PALB2: variants seen among roughly 807,000 people sequenced by gnomAD.
PALB2 encodes mutant partner and localizer of BRCA2.
PALB2 carries 82 observed loss-of-function variants against 107.4 expected under a neutral mutation model. That is an observed-to-expected ratio of 0.76 (90% confidence interval 0.64 to 0.92). The LOEUF (loss-of-function observed/expected upper bound fraction) is 0.92. PALB2 is among the 40% of genes least tolerant of loss of function. The pLI is 0.00. For synonymous variants in PALB2, 489 were observed against 496.8 expected (o/e 0.98, Z 0.21); for missense variants, 1,374 against 1,379.9 (o/e 1.00, Z 0.07).
At chr16:23,622,140 A>G (rs562900487) in intron 9 of PALB2, among the ~76,000 whole-genome samples, 2 of 152,338 alleles carry the variant, frequency 1.3e-5, no homozygotes, top group South Asian at 4.1e-4. Context: ...AAAAATAAAA[A>G]TAAAGTGTAA....
rs529410450 is a variant in PALB2 at position 23,609,738 on chromosome 16, G to C, written c.3202-1726C>G. Among the ~76,000 whole-genome samples, 34 of 152,224 alleles carry C rather than the reference G, an allele frequency of 2.2e-4. 1 individual carries two copies. In the South Asian group the frequency reaches 6.6e-3, roughly 30 times the overall value. ...TCACTGTGTTAGCCAGGATGGTCTC[G>C]ATCTCCTGACCTCATGATCCGCCCG... On this transcript the variant is annotated intron_variant, in intron 11 of 12. Transcript: ENST00000261584.
chr16:23,609,618 C>T (rs939517972), intron 11 of PALB2, among the ~76,000 whole-genome samples: 11 of 151,972 alleles, frequency 7.2e-5, no homozygotes, highest in African/African-American at 2.2e-4. Context: ...CCTGGGTTCA[C>T]GCCATTCTCC....
chr16:23,603,747 T>G, intron 12 of PALB2, 78 bp from the exon 13 acceptor site: 1 of 1,365,336 alleles, frequency 7.3e-7, no homozygotes, highest in South Asian at 1.3e-5. Flanking sequence ...GTCAAAACCA[T>G]GTTCCCAAAA....
At chr16:23,603,768 G>C in intron 12 of PALB2, 99 bp from the exon 13 acceptor site, 1 of 1,081,954 alleles carries the variant, frequency 9.2e-7, no homozygotes, top group Non-Finnish European at 1.3e-6. Context: ...CCAGCAACAG[G>C]AACAAAAATC....
rs201387125 is a variant in PALB2 at position 23,621,328 on chromosome 16, A to G, written c.3113+34T>C. ...TTAGAGGTATATCCTCATACTACAG[A>G]TGAGGGAACTGAGGACCTAGAGGGA... On this transcript the variant is annotated intron_variant, in intron 10 of 12. Transcript: ENST00000261584. 34 of 1,355,520 alleles carry G rather than the reference A, an allele frequency of 2.5e-5. No homozygotes were observed. Among genetic ancestry groups the G allele is most frequent in the Middle Eastern group, 1.8e-4 (1 of 5,524 alleles). 84.0% of individuals were successfully genotyped at this position (1,355,520 alleles called of 1,614,324 possible). A position where few individuals can be genotyped will look rare whatever the true frequency, so the allele number is the denominator to read the frequency against.
In PALB2 at chr16:23,637,880, G is replaced by A. The variant is rs1967100637; in HGVS notation, c.181C>T (p.Gln61Ter). 1 of 1,613,856 alleles carries A rather than the reference G, an allele frequency of 6.2e-7. No individual in the cohort carries two copies. The highest frequency in any genetic ancestry group is 8.5e-7 in the Non-Finnish European group (1 of 1,179,774). Residue 61 changes from glutamine to a stop codon, truncating the protein, a stop_gained, in exon 3 of 13, where the codon CAG becomes TAG. Transcript: ENST00000261584. LOFTEE classifies it high-confidence loss of function. ...TGTTTTAGCTGCGGTGAGAGATCCT[G>A]CTGAGACAAACAATCTTGTTCTTCT... Reference protein sequence around the residue: ...TVEEQDCLSQQDLSPQLKHSE... With the variant: ...TVEEQDCLSQ
At position 23,621,396 on chromosome 16, in the gene PALB2, G is replaced by A. The variant is rs1966769057; in HGVS notation, c.3079C>T (p.Leu1027Phe). 9.3e-6 allele frequency: 15 copies of A among 1,613,702 alleles called. No homozygotes were observed. Among genetic ancestry groups the A allele is most frequent in the Non-Finnish European group, 1.3e-5 (15 of 1,179,660 alleles). Residue 1027 changes from leucine (L) to phenylalanine (F), a missense_variant, in exon 10 of 13, where the codon CTT (leucine) becomes TTT (phenylalanine). Physicochemically the swap from Leu to Phe is conservative, Grantham distance 22. Transcript: ENST00000261584. ...ATGTTGTTCATAATAGTAGTACCAA[G>A]CAGAGCTTCTTGCATCCCTTGGACC... is the stretch of plus-strand genomic sequence containing the variant. ...AEVQGMQEAL[L>F]GTTIMNNIVI...
At chr16:23,630,834 G>T (rs917356445) in intron 4 of PALB2, among the ~76,000 whole-genome samples, 1 of 152,060 alleles carries the variant, frequency 6.6e-6, no homozygotes, top group African/African-American at 2.4e-5. Context: ...TGCTAGCCAG[G>T]TATGGTAGCT....
At chr16:23,604,317 G>A (rs1164037138) in intron 12 of PALB2, among the ~76,000 whole-genome samples, 3 of 152,168 alleles carry the variant, frequency 2.0e-5, no homozygotes, top group Non-Finnish European at 4.4e-5. Flanking sequence ...TACAAAGTAA[G>A]AGCTGTGCAA....
intron 1 of PALB2, 82 bp downstream of exon 1, chr16:23,641,028 T>G (rs986367122): frequency 2.7e-6 from 4 of 1,497,440 alleles, no homozygotes; most frequent in Middle Eastern, 1.7e-4. Context: ...GCCCTCGGAC[T>G]GCCGAGGACA....
In PALB2 at chr16:23,603,421, A is replaced by C. The variant is rs1966393145; in HGVS notation, c.*38T>G. The C allele has an allele frequency of 6.5e-7, 1 of 1,532,950 alleles. No homozygotes were observed. Among genetic ancestry groups the C allele is most frequent in the Admixed American group, 1.7e-5 (1 of 59,828 alleles). The allele number at this position is 1,532,950 out of a possible 1,614,324, so 95.0% of individuals were successfully genotyped here. A position where few individuals can be genotyped will look rare whatever the true frequency, so the allele number is the denominator to read the frequency against. ...AACTCCAAAAAATACTAAGAGGCCC[A>C]ATATATCCAGAAAATTGTGTTTTCA... is the stretch of plus-strand genomic sequence containing the variant. On this transcript the variant is annotated 3_prime_UTR_variant, in exon 13 of 13. Transcript: ENST00000261584.
In PALB2 at chr16:23,603,587, C is replaced by G. The variant is rs180177137; in HGVS notation, c.3433G>C (p.Gly1145Arg). ...GGTGGGAGGAGGGCAGTACACTGAC[C>G]GAGAAGTAAGTCCCAAATGGCAATT... ...GTIAIWDLLL[G>R]QCTALLPPVS... The change falls in exon 13 of 13, where the codon GGT becomes CGT. Residue 1145 changes from glycine to arginine, a missense_variant. Gly to Arg is a moderately radical substitution (Grantham distance 125, BLOSUM62 -2). Coordinates refer to ENST00000261584, the MANE Select transcript of PALB2 (RefSeq NM_024675.4). The G allele has an allele frequency of 4.3e-6, 7 of 1,613,988 alleles. No homozygotes were observed. The highest frequency in any genetic ancestry group is 5.1e-6 in the Non-Finnish European group (6 of 1,179,994).
chr16:23,622,837 G>T, intron 9 of PALB2, 132 bp downstream of exon 9: 2 of 996,864 alleles, frequency 2.0e-6, no homozygotes, highest in South Asian at 1.3e-5. Flanking sequence ...ATAACCTAGT[G>T]TTGATGCGGT....
rs1019525144 is a variant in PALB2 at position 23,630,311 on chromosome 16, G to A, written c.1843C>T (p.Pro615Ser). 2 of 1,614,150 alleles carry A rather than the reference G, an allele frequency of 1.2e-6. No homozygotes were observed. The highest frequency in any genetic ancestry group is 1.7e-6 in the Non-Finnish European group (2 of 1,180,042). Residue 615 changes from proline (P) to serine (S), a missense_variant, in exon 5 of 13, where the codon CCT (proline) becomes TCT (serine). Physicochemically the swap from Pro to Ser is moderately conservative, Grantham distance 74. Coordinates refer to ENST00000261584, the MANE Select transcript of PALB2 (RefSeq NM_024675.4). ...TTAAGAGGTCCAAAGTCTTCATCAG[G>A]TAACTGAAAGTCTGTGATACTGAGA... Reference protein sequence around the residue: ...SFLSITDFQLPDEDFGPLKLE... With the variant: ...SFLSITDFQLSDEDFGPLKLE...
chr16:23,614,902 G>A (rs1409579288), intron 10 of PALB2, among the ~76,000 whole-genome samples: 3 of 149,870 alleles, frequency 2.0e-5, no homozygotes, highest in South Asian at 2.1e-4. Context: ...CGCCCGCCTC[G>A]GCCTCCCAAA....
At chr16:23,631,119 A>C (rs992661767) in intron 4 of PALB2, among the ~76,000 whole-genome samples, 1 of 148,602 alleles carries the variant, frequency 6.7e-6, no homozygotes, top group Non-Finnish European at 1.5e-5. Flanking sequence ...CAAAAAAAAA[A>C]AAAAAAAAAA....
At chr16:23,629,502 C>T (rs1966854883) in intron 5 of PALB2, 138 bp downstream of exon 5, 1 of 971,148 alleles carries the variant, frequency 1.0e-6, no homozygotes, top group African/African-American at 1.6e-5. Context: ...TTAATGATTA[C>T]AATGAAATCA....
intron 11 of PALB2, among the ~76,000 whole-genome samples, chr16:23,608,330 C>T (rs1966519324): frequency 6.6e-6 from 1 of 151,902 alleles, no homozygotes; most frequent in Non-Finnish European, 1.5e-5. Flanking sequence ...GTTGGGATTA[C>T]AGACGTCAGC....
At chr16:23,638,340 T>C (rs1967118851) in intron 1 of PALB2, 1 of 614,410 alleles carries the variant, frequency 1.6e-6, no homozygotes, top group African/African-American at 1.8e-5. Context: ...GTCCTTCCTT[T>C]GCCAATTCCT....
Sources: gnomAD v4.1 joint callset for allele counts (sites outside exome capture counted in the v4.1 genomes callset) on GRCh38, gnomAD v4.1.1 for gene constraint, MANE v1.5 for transcripts, NCBI Gene and HGNC (gene_info 2026-07-23, HGNC 2026-07-21) for gene names.